PDS5B: variants seen among roughly 807,000 people sequenced by gnomAD.
PDS5B encodes PDS5 cohesin associated factor B, also known as sister chromatid cohesion protein PDS5 homolog B.
A neutral mutation model predicts 184.1 loss-of-function variants in PDS5B; 51 were observed. That is an observed-to-expected ratio of 0.28 (90% CI 0.22 to 0.35). The LOEUF is 0.35. PDS5B is among the 10% of genes least tolerant of loss of function. The pLI, the probability that PDS5B is intolerant of heterozygous loss-of-function variation, is 1.00. For synonymous variants in PDS5B, 566 were observed against 569.2 expected (o/e 0.99, Z 0.08); for missense variants, 1,180 against 1,723.3 (o/e 0.68, Z 5.58).
chr13:32,640,436 G>A (rs1280880314), intron 1 of PDS5B, among the ~76,000 whole-genome samples: 1 of 151,942 alleles, frequency 6.6e-6, no homozygotes, highest in Admixed American at 6.6e-5. Context: ...TAGTAGAGAC[G>A]GGGTTTCGCC....
chr13:32,595,461 A>G (rs2057849835), intron 1 of PDS5B, among the ~76,000 whole-genome samples: 1 of 152,212 alleles, frequency 6.6e-6, no homozygotes, highest in Non-Finnish European at 1.5e-5. Flanking sequence ...TGTTAATGTT[A>G]TGTTATATCC....
At chr13:32,598,365 G>A (rs1205787450) in intron 1 of PDS5B, among the ~76,000 whole-genome samples, 6 of 151,974 alleles carry the variant, frequency 3.9e-5, no homozygotes, top group African/African-American at 7.3e-5. Context: ...GAGCCACCGC[G>A]CCTGGCCAGG....
At chr13:32,757,995 G>A (rs577908944) in intron 26 of PDS5B, 92 bp from the exon 27 acceptor site, 1 of 504,580 alleles carries the variant, frequency 2.0e-6, no homozygotes, top group African/African-American at 2.0e-5. Context: ...TATTATCTAG[G>A]TTTGTTATAT....
chr13:32,702,162 A>AT (rs1201556600), intron 17 of PDS5B, among the ~76,000 whole-genome samples: 14 of 152,128 alleles, frequency 9.2e-5, no homozygotes, highest in African/African-American at 3.4e-4. Flanking sequence ...AATACTAATG[A>AT]TTTTTTCATC....
intron 1 of PDS5B, among the ~76,000 whole-genome samples, chr13:32,616,140 G>T (rs990770392): frequency 1.3e-5 from 2 of 151,538 alleles, no homozygotes; most frequent in Non-Finnish European, 2.9e-5. Flanking sequence ...TGCAAACTCT[G>T]CCTCCTGGGT....
intron 3 of PDS5B, among the ~76,000 whole-genome samples, chr13:32,657,500 C>G (rs566323385): frequency 6.6e-6 from 1 of 152,126 alleles, no homozygotes; most frequent in South Asian, 2.1e-4. Flanking sequence ...ACAGTTGGGC[C>G]TTGCTTCTTT....
Position 32,651,787 on chromosome 13 carries a change from T to G in PDS5B, c.109-17T>G. The G allele has an allele frequency of 2.0e-6, 3 of 1,508,990 alleles. No individual in the cohort carries two copies. Among genetic ancestry groups the G allele is most frequent in the Non-Finnish European group, 2.7e-6 (3 of 1,091,434 alleles). The allele number at this position is 1,508,990 out of a possible 1,614,324, so 93.5% of individuals were successfully genotyped here. ...TACATGGAGCATTTCATTATTTGATTTTTTATTTTTGTATAGATGGTTGTG... is the reference window on the plus strand; with the variant it reads ...TACATGGAGCATTTCATTATTTGATGTTTTATTTTTGTATAGATGGTTGTG... On this transcript the variant is annotated splice_polypyrimidine_tract_variant and intron_variant, in intron 2 of 34. Transcript: ENST00000315596.
chr13:32,759,780 A>T, intron 29 of PDS5B, 90 bp downstream of exon 29: 12 of 618,892 alleles, frequency 1.9e-5, no homozygotes. Context: ...TTTCTTCAAA[A>T]ATTTATATTT....
intron 19 of PDS5B, among the ~76,000 whole-genome samples, 197 bp from the exon 20 acceptor site, chr13:32,731,904 A>G (rs1018172037): frequency 7.2e-5 from 11 of 152,200 alleles, no homozygotes; most frequent in African/African-American, 2.7e-4. Flanking sequence ...AAAACACCAC[A>G]TTTGTATTTG....
At chr13:32,750,128 T>C (rs1257488118) in intron 24 of PDS5B, among the ~76,000 whole-genome samples, 4 of 152,212 alleles carry the variant, frequency 2.6e-5, no homozygotes, top group Non-Finnish European at 5.9e-5. Flanking sequence ...TCTTCTTCAG[T>C]TGTTATTTAT....
At chr13:32,746,480 A>G (rs1360613713) in intron 24 of PDS5B, among the ~76,000 whole-genome samples, 1 of 152,180 alleles carries the variant, frequency 6.6e-6, no homozygotes, top group Admixed American at 6.5e-5. Context: ...ACTATTTATT[A>G]TATATAGTTG....
chr13:32,708,763 C>G (rs915967529), intron 18 of PDS5B, among the ~76,000 whole-genome samples: 2 of 152,026 alleles, frequency 1.3e-5, no homozygotes, highest in African/African-American at 2.4e-5. Context: ...GCTCATACAT[C>G]TACTGACATC....
chr13:32,646,572 CT>C (rs879369797), intron 1 of PDS5B, among the ~76,000 whole-genome samples: 1,557 of 140,346 alleles, frequency 0.011, 22 homozygotes, highest in African/African-American at 0.029. Context: ...GCCTATTTAT[CT>C]TTTTTTTTTT....
intron 11 of PDS5B, among the ~76,000 whole-genome samples, chr13:32,686,600 A>G (rs1042617383): frequency 1.3e-5 from 2 of 152,144 alleles, no homozygotes; most frequent in East Asian, 3.8e-4. Context: ...CCTGGGCAAC[A>G]TAGACCCTGT....
intron 1 of PDS5B, among the ~76,000 whole-genome samples, chr13:32,596,889 A>G (rs994356102): frequency 2.6e-5 from 4 of 152,106 alleles, no homozygotes; most frequent in African/African-American, 7.3e-5. Flanking sequence ...TACAAATTCT[A>G]TGTCAGATCA....
chr13:32,712,209 C>G (rs918713739), intron 19 of PDS5B, among the ~76,000 whole-genome samples: 3 of 152,086 alleles, frequency 2.0e-5, no homozygotes, highest in Non-Finnish European at 4.4e-5. Context: ...AGAACAGGGT[C>G]AAAAGGTGGA....
intron 5 of PDS5B, among the ~76,000 whole-genome samples, 171 bp from the exon 6 acceptor site, chr13:32,658,981 TTG>T (rs1950580977): frequency 6.6e-6 from 1 of 152,174 alleles, no homozygotes; most frequent in Non-Finnish European, 1.5e-5. Context: ...AAAATATAAT[TTG>T]TATACTTTTG....
chr13:32,716,852 GC>G (rs1952453565), intron 19 of PDS5B, among the ~76,000 whole-genome samples: 1 of 119,496 alleles, frequency 8.4e-6, no homozygotes. Context: ...TGGGGGGTCA[GC>G]CCCCCGCCCG....
intron 7 of PDS5B, among the ~76,000 whole-genome samples, chr13:32,668,801 T>C (rs1044938574): frequency 7.9e-5 from 12 of 152,208 alleles, no homozygotes; most frequent in African/African-American, 2.9e-4. Context: ...TTAAAGTCAG[T>C]GTATGAAATA....
Sources: allele counts gnomAD v4.1 joint callset (sites outside exome capture counted in the v4.1 genomes callset), GRCh38; gene constraint gnomAD v4.1.1; transcripts MANE v1.5; gene names NCBI Gene and HGNC (gene_info 2026-07-23, HGNC 2026-07-21).